The following ASIC2 variants were observed in gnomAD, a reference collection of about 807,000 sequenced individuals.
ASIC2 encodes the protein acid sensing ion channel subunit 2.
A neutral mutation model predicts 57.3 loss-of-function variants in ASIC2; 25 were observed. The ratio of observed to expected loss-of-function variants is 0.44; its 90% CI spans 0.32 to 0.61. ASIC2 has a LOEUF of 0.61. Among genes scored for constraint, ASIC2 ranks in the 20% least tolerant of loss-of-function variants. ASIC2 has a pLI of 0.06. For synonymous variants in ASIC2, 319 were observed against 307.5 expected, an observed-to-expected ratio of 1.04 and a Z score of -0.39; for missense variants, 641 against 738.1, an observed-to-expected ratio of 0.87 and a Z score of 1.52.
intron 1 of ASIC2, among the ~76,000 whole-genome samples, chr17:33,713,699 G>A (rs1254657820): frequency 6.6e-6 from 1 of 152,238 alleles, no homozygotes; most frequent in African/African-American, 2.4e-5. Flanking sequence ...GCTATTCAAC[G>A]CAGTATAGCT....
Position 33,677,304 on chromosome 17 carries a change from G to A in ASIC2, c.555+478674C>T, listed in dbSNP as rs548392386. ...GGTAACTCTTTTGTTAGAGGCCAGC[G>A]TAGGAGGTGACTTAAGTTGAAGCCA... On this transcript the variant is annotated intron_variant, in intron 1 of 9. Coordinates refer to the ASIC2 transcript ENST00000359872. Among the ~76,000 whole-genome samples the A allele has an allele frequency of 8.5e-5, 13 of 152,288 alleles. No individual in the cohort carries two copies. In the East Asian group the frequency reaches 1.3e-3, roughly 16 times the overall value.
intron 1 of ASIC2, among the ~76,000 whole-genome samples, chr17:33,217,937 C>CA (rs1339472587): frequency 2.6e-5 from 4 of 152,138 alleles, no homozygotes; most frequent in African/African-American, 9.7e-5. Context: ...AAAAGGGACC[C>CA]AAAATGACAG....
chr17:33,053,328 G>T (rs933123743), intron 3 of ASIC2, among the ~76,000 whole-genome samples: 1 of 152,118 alleles, frequency 6.6e-6, no homozygotes, highest in Admixed American at 6.5e-5. Context: ...TGGGAATTTA[G>T]CTTATAACTT....
intron 1 of ASIC2, among the ~76,000 whole-genome samples, chr17:33,129,927 G>A (rs769391945): frequency 1.2e-4 from 19 of 152,212 alleles, no homozygotes; most frequent in Non-Finnish European, 2.1e-4. Context: ...TGCCCAGCCC[G>A]CCACTGGGCG....
At chr17:33,257,399 T>C (rs1007821459) in intron 1 of ASIC2, among the ~76,000 whole-genome samples, 1 of 152,240 alleles carries the variant, frequency 6.6e-6, no homozygotes, top group Non-Finnish European at 1.5e-5. Context: ...CTGGAGGCTG[T>C]CCAAGCATAT....
chr17:33,368,903 G>T (rs1176903762), intron 1 of ASIC2, among the ~76,000 whole-genome samples: 1 of 152,190 alleles, frequency 6.6e-6, no homozygotes, highest in Non-Finnish European at 1.5e-5. Flanking sequence ...GGTGCTGGAT[G>T]GCTGGGGAAG....
chr17:33,369,203 A>G lies in ASIC2; in HGVS notation c.556-257136T>C, dbSNP rs1317107911. ...CCAGGAGGGTCACCAAGAACCTGCC[A>G]TAGACCCCACTTCCCTAAGAATAGC... On this transcript the variant is annotated intron_variant, in intron 1 of 9. Coordinates refer to the ASIC2 transcript ENST00000359872. 3.3e-5 allele frequency among the ~76,000 whole-genome samples: 5 copies of G among 152,310 alleles called. No individual in the cohort carries two copies. In the East Asian group the frequency reaches 9.7e-4, roughly 29 times the overall value.
intron 1 of ASIC2, among the ~76,000 whole-genome samples, chr17:33,883,109 G>T (rs2141941345): frequency 6.6e-6 from 1 of 152,232 alleles, no homozygotes; most frequent in East Asian, 1.9e-4. Context: ...TGGGAGGAGA[G>T]GGGAGGGATA....
chr17:33,993,843 G>T (rs996587568), intron 1 of ASIC2, among the ~76,000 whole-genome samples: 2 of 152,174 alleles, frequency 1.3e-5, no homozygotes, highest in African/African-American at 4.8e-5. Flanking sequence ...GATGGAGTCT[G>T]GTTAGATGCT....
chr17:33,273,844 T>C (rs1019317813), intron 1 of ASIC2, among the ~76,000 whole-genome samples: 18 of 150,768 alleles, frequency 1.2e-4, no homozygotes, highest in Non-Finnish European at 2.5e-4. Flanking sequence ...GAAGAAAGAC[T>C]AAAGGCAGAA....
chr17:33,945,170 C>T (rs1410922637), intron 1 of ASIC2, among the ~76,000 whole-genome samples: 1 of 152,190 alleles, frequency 6.6e-6, no homozygotes, highest in Non-Finnish European at 1.5e-5. Flanking sequence ...TCTTGATCTC[C>T]AGTCACTTAA....
At chr17:34,038,935 T>G in intron 1 of ASIC2, 1 of 1,612,836 alleles carries the variant, frequency 6.2e-7, no homozygotes, top group Non-Finnish European at 8.5e-7. Flanking sequence ...CATAACCATC[T>G]GTCCACTGCT....
intron 1 of ASIC2, among the ~76,000 whole-genome samples, chr17:33,671,217 C>T (rs1173039422): frequency 6.6e-6 from 1 of 152,228 alleles, no homozygotes; most frequent in African/African-American, 2.4e-5. Flanking sequence ...CTTCGTCTCA[C>T]ATGGCATTCT....
At chr17:33,294,975 G>A (rs1478163499), upstream of ASIC2, among the ~76,000 whole-genome samples, 2 of 152,186 alleles carry the variant, frequency 1.3e-5, no homozygotes, top group South Asian at 2.1e-4. Context: ...ACAGTGACCC[G>A]TGTCTTGGCC....
At chr17:33,128,683 T>TG (rs1411834483) in intron 1 of ASIC2, among the ~76,000 whole-genome samples, 1 of 152,160 alleles carries the variant, frequency 6.6e-6, no homozygotes, top group Non-Finnish European at 1.5e-5. Flanking sequence ...GGGGTACCCC[T>TG]GGGGAAAGGA....
intron 2 of ASIC2, among the ~76,000 whole-genome samples, chr17:33,093,761 G>T (rs560164452): frequency 2.0e-5 from 3 of 152,282 alleles, no homozygotes; most frequent in Admixed American, 2.0e-4. Context: ...AATGCATAAC[G>T]GGGCAGGGAA....
intron 1 of ASIC2, among the ~76,000 whole-genome samples, chr17:33,489,514 A>G (rs1178831701): frequency 6.6e-6 from 1 of 152,130 alleles, no homozygotes; most frequent in Non-Finnish European, 1.5e-5. Context: ...TTTTCAGTGC[A>G]TGATTGCCAG....
chr17:33,898,870 C>G (rs940165879), intron 1 of ASIC2, among the ~76,000 whole-genome samples: 12 of 152,102 alleles, frequency 7.9e-5, no homozygotes, highest in Non-Finnish European at 1.5e-4. Flanking sequence ...TGGCAGGTTA[C>G]AGGGTGCACA....
intron 3 of ASIC2, among the ~76,000 whole-genome samples, chr17:33,034,556 A>G (rs1195228606): frequency 6.6e-6 from 1 of 152,186 alleles, no homozygotes; most frequent in East Asian, 1.9e-4. Flanking sequence ...ATAATGTCTT[A>G]GTTTTTTTTT....
Sources: allele counts gnomAD v4.1 joint callset (sites outside exome capture counted in the v4.1 genomes callset), GRCh38; gene constraint gnomAD v4.1.1; transcripts MANE v1.5; gene names NCBI Gene and HGNC (gene_info 2026-07-23, HGNC 2026-07-21).